Variants in GRIP1 observed in about 807,000 individuals in gnomAD.
The protein encoded by GRIP1 is glutamate receptor interacting protein 1.
A neutral mutation model predicts 129.9 loss-of-function variants in GRIP1; 45 were observed. The observed-to-expected ratio is 0.35, with a 90% CI of 0.27 to 0.44. The LOEUF (loss-of-function observed/expected upper bound fraction) is 0.44, where lower values mean the gene tolerates loss of function less well. Ranked by LOEUF, GRIP1 falls within the 20% of genes least tolerant of loss-of-function variation. The pLI is 1.00. For missense variants in GRIP1, 1,196 were observed against 1,396.8 expected (o/e 0.86, Z 2.29); for synonymous variants, 530 against 520.8 (o/e 1.02, Z -0.24).
intron 1 of GRIP1, among the ~76,000 whole-genome samples, chr12:66,775,658 A>G (rs1566016257): frequency 6.6e-6 from 1 of 151,896 alleles, no homozygotes; most frequent in Non-Finnish European, 1.5e-5. Context: ...CTTTCATTTG[A>G]TGAAGATAAA....
At chr12:66,677,559 A>T (rs2136265420) in intron 1 of GRIP1, among the ~76,000 whole-genome samples, 1 of 152,310 alleles carries the variant, frequency 6.6e-6, no homozygotes, top group Middle Eastern at 3.4e-3. Flanking sequence ...ATTGTAGAGG[A>T]TAAAGTCAAA....
Position 66,456,265 on chromosome 12 carries a change from G to C in GRIP1, c.1120C>G (p.His374Asp), listed in dbSNP as rs1403259785. ...SNHSSLHTNHHYNTYHPDHCR... is the reference protein window; with the variant it reads ...SNHSSLHTNHDYNTYHPDHCR... Reference sequence around the variant, plus strand: ...TGGTCAGGGTGGTACGTGTTATAGTGATGGTTGGTGTGAAGGCTGCTGTGG... The same window carrying C: ...TGGTCAGGGTGGTACGTGTTATAGTCATGGTTGGTGTGAAGGCTGCTGTGG... Residue 374 changes from histidine (H) to aspartate (D), a missense_variant, in exon 10 of 25, where the codon CAC (histidine) becomes GAC (aspartate). His to Asp is a moderately conservative substitution (Grantham distance 81, BLOSUM62 -1). Transcript: ENST00000359742. 7.8e-7 allele frequency: 1 copy of C among 1,289,134 alleles called. No homozygotes were observed. Among genetic ancestry groups the C allele is most frequent in the Non-Finnish European group, 1.0e-6 (1 of 988,076 alleles). The allele number at this position is 1,289,134 out of a possible 1,614,324, so 79.9% of individuals were successfully genotyped here.
intron 7 of GRIP1, among the ~76,000 whole-genome samples, chr12:66,484,985 T>C (rs549832776): frequency 5.8e-4 from 89 of 152,310 alleles, no homozygotes; most frequent in African/African-American, 1.9e-3. Context: ...ATATTGCTGC[T>C]ATGAACATTC....
chr12:66,851,441 A>G (rs1343843015), intron 1 of GRIP1, among the ~76,000 whole-genome samples: 5 of 152,094 alleles, frequency 3.3e-5, no homozygotes, highest in Admixed American at 3.3e-4. Context: ...TTTTATTACA[A>G]TTACATTTGA....
At chr12:66,777,698 ACATACATGCAGATGCACATGCATG>A (rs1311799233) in intron 1 of GRIP1, among the ~76,000 whole-genome samples, 1 of 152,208 alleles carries the variant, frequency 6.6e-6, no homozygotes, top group African/African-American at 2.4e-5. Context: ...ATATATGTAC[ACATACATGCAGATGCACATGCATG>A]CATACCTACA....
At chr12:66,923,854 T>A (rs1432007060) in intron 1 of GRIP1, among the ~76,000 whole-genome samples, 1 of 152,126 alleles carries the variant, frequency 6.6e-6, no homozygotes, top group African/African-American at 2.4e-5. Flanking sequence ...TTTTTTTTTT[T>A]ATTTCTTGAG....
intron 1 of GRIP1, among the ~76,000 whole-genome samples, chr12:66,777,691 T>G (rs73329234): frequency 0.015 from 2,246 of 152,276 alleles, 61 homozygotes; most frequent in African/African-American, 0.052. Context: ...ACCACACATA[T>G]ATGTACACAT....
At chr12:66,432,056 T>G (rs1436533492) in intron 14 of GRIP1, among the ~76,000 whole-genome samples, 1 of 152,138 alleles carries the variant, frequency 6.6e-6, no homozygotes, top group East Asian at 1.9e-4. Flanking sequence ...TAATTTTTGT[T>G]AAATAGATTA....
intron 1 of GRIP1, among the ~76,000 whole-genome samples, chr12:67,010,732 A>G (rs1043899139): frequency 1.5e-5 from 2 of 135,030 alleles, no homozygotes; most frequent in Admixed American, 1.4e-4. Context: ...TGAGTGCAGA[A>G]AGCGGGGACA....
chr12:66,400,997 G>A (rs917319461), intron 16 of GRIP1, among the ~76,000 whole-genome samples: 1 of 152,086 alleles, frequency 6.6e-6, no homozygotes, highest in African/African-American at 2.4e-5. Context: ...GCAGCCTCAG[G>A]AATCCCAGAG....
chr12:66,575,100 G>A (rs2063100357), intron 2 of GRIP1, among the ~76,000 whole-genome samples: 1 of 152,148 alleles, frequency 6.6e-6, no homozygotes, highest in Non-Finnish European at 1.5e-5. Context: ...CAGTGAATCA[G>A]AGTTGGGAGA....
intron 1 of GRIP1, among the ~76,000 whole-genome samples, chr12:66,665,483 C>T (rs1035784748): frequency 1.3e-5 from 2 of 152,118 alleles, no homozygotes; most frequent in African/African-American, 4.8e-5. Flanking sequence ...AGTTAACCAC[C>T]ATCCTAACTT....
intron 23 of GRIP1, among the ~76,000 whole-genome samples, chr12:66,354,088 A>G (rs1055115243): frequency 1.3e-5 from 2 of 152,150 alleles, no homozygotes; most frequent in African/African-American, 4.8e-5. Flanking sequence ...ATCACAGAAC[A>G]CTATGTAAAA....
intron 15 of GRIP1, among the ~76,000 whole-genome samples, chr12:66,418,164 G>A (rs2057676729): frequency 6.6e-6 from 1 of 152,058 alleles, no homozygotes; most frequent in Admixed American, 6.6e-5. Flanking sequence ...TTTTGACAAA[G>A]GTGCCTAGAA....
chr12:66,567,395 C>A (rs1252090763), intron 2 of GRIP1, among the ~76,000 whole-genome samples: 1 of 151,634 alleles, frequency 6.6e-6, no homozygotes, highest in Non-Finnish European at 1.5e-5. Context: ...CAGTAGTCTT[C>A]CAAAACTGAC....
intron 1 of GRIP1, among the ~76,000 whole-genome samples, chr12:67,030,689 T>C (rs568633378): frequency 1.3e-5 from 2 of 152,318 alleles, no homozygotes; most frequent in African/African-American, 4.8e-5. Context: ...TGCTTCTAAC[T>C]GTGAAAAAGT....
At chr12:66,799,770 G>A (rs1376705846) in intron 1 of GRIP1, among the ~76,000 whole-genome samples, 1 of 152,078 alleles carries the variant, frequency 6.6e-6, no homozygotes, top group Non-Finnish European at 1.5e-5. Context: ...AAGCAGAGAG[G>A]GTGTGGTTAC....
At chr12:66,820,438 AT>A (rs1476070528) in intron 1 of GRIP1, among the ~76,000 whole-genome samples, 17 of 152,282 alleles carry the variant, frequency 1.1e-4, no homozygotes, top group South Asian at 6.2e-4. Flanking sequence ...TGGGAAGACA[AT>A]TTGGCAGTTT....
intron 1 of GRIP1, among the ~76,000 whole-genome samples, chr12:66,854,563 T>C (rs2039971150): frequency 6.6e-6 from 1 of 152,046 alleles, no homozygotes; most frequent in Non-Finnish European, 1.5e-5. Flanking sequence ...ATCCTCACAA[T>C]AATCTTAGAC....
Sources: gnomAD v4.1 joint callset for allele counts (sites outside exome capture counted in the v4.1 genomes callset) on GRCh38, gnomAD v4.1.1 for gene constraint, MANE v1.5 for transcripts, NCBI Gene and HGNC (gene_info 2026-07-23, HGNC 2026-07-21) for gene names.